SLC11A1: variants seen among roughly 807,000 people sequenced by gnomAD.
The protein encoded by SLC11A1 is natural resistance-associated macrophage protein 1.
Under a neutral mutation model 63.2 loss-of-function variants are expected in SLC11A1, and 59 were observed. That is an observed-to-expected ratio of 0.93 (90% CI 0.76 to 1.16). The LOEUF (loss-of-function observed/expected upper bound fraction) is 1.16, where lower values mean the gene tolerates loss of function less well. Ranked by LOEUF, SLC11A1 falls within the 50% of genes most tolerant of loss-of-function variation. The pLI, the probability that SLC11A1 is intolerant of heterozygous loss-of-function variation, is 0.00. For missense variants in SLC11A1, 688 were observed against 730.7 expected (o/e 0.94, Z 0.67); for synonymous variants, 305 against 307.8 (o/e 0.99, Z 0.09).
Position 218,395,124 on chromosome 2 carries a change from G to C in SLC11A1, c.*89G>C. 1 of 989,966 alleles carries C rather than the reference G, an allele frequency of 1.0e-6. No homozygotes were observed. The highest frequency in any genetic ancestry group is 1.5e-6 in the Non-Finnish European group (1 of 656,984). The allele number at this position is 989,966 out of a possible 1,614,324, so 61.3% of individuals were successfully genotyped here. A position where few individuals can be genotyped will look rare whatever the true frequency, so the allele number is the denominator to read the frequency against. On this transcript the variant is annotated 3_prime_UTR_variant, in exon 15 of 15. Coordinates refer to ENST00000233202, the MANE Select transcript of SLC11A1 (RefSeq NM_000578.4). ...GGGCGCGTGCAGGCAGCAGGATAGA[G>C]TGGGACAGTTCCTGAGACCAGCCAA...
At position 218,395,415 on chromosome 2, in the gene SLC11A1, CTGGAGCTTGAAA is replaced by C. The variant is rs1458355489; in HGVS notation, c.*382_*393del. The stretch of plus-strand genomic sequence containing the variant: ...ACTTGGGCGGGACACAGGCTCCAAA[CTGGAGCTTGAAA>C]TAGTGTCTGATGAATGTTAAATTAT... On this transcript the variant is annotated 3_prime_UTR_variant, in exon 15 of 15. Transcript: ENST00000233202. 5 of 194,390 alleles carry C rather than the reference CTGGAGCTTGAAA, an allele frequency of 2.6e-5. No homozygotes were observed. Among genetic ancestry groups the C allele is most frequent in the East Asian group, 2.7e-4 (2 of 7,304 alleles). The allele number at this position is 194,390 out of a possible 1,614,324, so 12.0% of individuals were successfully genotyped here. A position where few individuals can be genotyped will look rare whatever the true frequency, so the allele number is the denominator to read the frequency against.
At position 218,384,493 on chromosome 2, in the gene SLC11A1, G is replaced by A. The variant is rs1056064400; in HGVS notation, c.273+128G>A. On this transcript the variant is annotated intron_variant, in intron 3 of 14. Coordinates refer to ENST00000233202, the MANE Select transcript of SLC11A1 (RefSeq NM_000578.4). This position sits in a 1 kb window ranked among gnomAD's most constrained non-coding sequence, Gnocchi z 4.0. ...GCTGGTGTTAAGTTCAAATGGGCCCGAAAAGGGTCCCCAGGGCAGCCCTGC... is the reference window on the plus strand; with the variant it reads ...GCTGGTGTTAAGTTCAAATGGGCCCAAAAAGGGTCCCCAGGGCAGCCCTGC... The A allele has an allele frequency of 2.5e-5, 30 of 1,188,920 alleles. No individual in the cohort carries two copies. The highest frequency in any genetic ancestry group is 2.4e-4 in the South Asian group (14 of 57,814). The allele number at this position is 1,188,920 out of a possible 1,614,324, so 73.6% of individuals were successfully genotyped here. A position where few individuals can be genotyped will look rare whatever the true frequency, so the allele number is the denominator to read the frequency against.
intron 11 of SLC11A1, chr2:218,391,986 G>A: frequency 3.6e-6 from 1 of 278,782 alleles, no homozygotes; most frequent in East Asian, 1.3e-4. Context: ...TCAAACTCTT[G>A]ACCTCGTGAT....
At position 218,394,760 on chromosome 2, in the gene SLC11A1, C is replaced by T; in HGVS notation, c.1517C>T (p.Ala506Val). Residue 506 changes from alanine to valine, a missense_variant, in exon 14 of 15, where the codon GCC (alanine) becomes GTC (valine). Ala to Val is a moderately conservative substitution (Grantham distance 64). Coordinates refer to ENST00000233202, the MANE Select transcript of SLC11A1 (RefSeq NM_000578.4). ...GGCCTTGCAGCCTTGCTGGCCGCAG[C>T]CTACCTGGGCCTCAGCACCTACCTG... ...YFGLAALLAA[A>V]YLGLSTYLVW... is the part of the protein sequence containing the mutation. 3 of 1,613,144 alleles carry T rather than the reference C, an allele frequency of 1.9e-6. No individual in the cohort carries two copies. Among genetic ancestry groups the T allele is most frequent in the Non-Finnish European group, 2.5e-6 (3 of 1,180,044 alleles).
Position 218,387,270 on chromosome 2 carries a change from G to A in SLC11A1, c.571+40G>A, listed in dbSNP as rs750025926. 2.4e-5 allele frequency: 37 copies of A among 1,569,620 alleles called. No homozygotes were observed. In the South Asian group the frequency reaches 3.7e-4, roughly 16 times the overall value. Reference sequence around the variant, plus strand: ...CACCTCATAGGGGAGTGGTGGTGGTGAGGGTGCTGTACTGGGAGAAGGGCT... The same window carrying A: ...CACCTCATAGGGGAGTGGTGGTGGTAAGGGTGCTGTACTGGGAGAAGGGCT... On this transcript the variant is annotated intron_variant, in intron 6 of 14. Coordinates refer to ENST00000233202, the MANE Select transcript of SLC11A1 (RefSeq NM_000578.4).
chr2:218,394,556 C>A (rs1376943489), intron 13 of SLC11A1, 76 bp from the exon 14 acceptor site: 3 of 1,508,338 alleles, frequency 2.0e-6, no homozygotes, highest in Non-Finnish European at 2.7e-6. Context: ...AGTGTGGGCG[C>A]TGGGAGATGA....
chr2:218,385,511 C>CT, intron 4 of SLC11A1: 1 of 534,120 alleles, frequency 1.9e-6, no homozygotes, highest in Non-Finnish European at 3.6e-6. Flanking sequence ...CTGACTCAGC[C>CT]TCTCAAGTAG....
Position 218,389,981 on chromosome 2 carries a change from A to C in SLC11A1, c.907A>C (p.Met303Leu). 1 of 1,613,740 alleles carries C rather than the reference A, an allele frequency of 6.2e-7. No homozygotes were observed. Among genetic ancestry groups the C allele is most frequent in the Non-Finnish European group, 8.5e-7 (1 of 1,179,868 alleles). Reference protein sequence around the residue: ...SVSFIINLFVMAVFGQAFYQK... With the variant: ...SVSFIINLFVLAVFGQAFYQK... ...CTCCTTTATCATCAACCTCTTTGTC[A>C]TGGCTGTCTTTGGGCAGGCCTTCTA... Residue 303 changes from methionine to leucine, a missense_variant, in exon 9 of 15, where the codon ATG becomes CTG. By Grantham distance (15) the Met-to-Leu change is conservative. Coordinates refer to ENST00000233202, the MANE Select transcript of SLC11A1 (RefSeq NM_000578.4).
rs1289836338 is a variant in SLC11A1 at position 218,395,001 on chromosome 2, T to C, written c.1619T>C (p.Leu540Pro). ...CACCACCACTTCCTGTATGGGCTCCTTGAAGAGGACCAGAAAGGGGAGACC... is the reference window on the plus strand; with the variant it reads ...CACCACCACTTCCTGTATGGGCTCCCTGAAGAGGACCAGAAAGGGGAGACC... ...SSHHHFLYGL[L>P]EEDQKGETSG The change falls in exon 15 of 15, where the codon CTT becomes CCT. Residue 540 changes from leucine to proline, a missense_variant. Transcript: ENST00000233202. The C allele has an allele frequency of 1.9e-6, 3 of 1,611,668 alleles. No homozygotes were observed. In the South Asian group the frequency reaches 3.3e-5, roughly 18 times the overall value.
rs116206376 is a variant in SLC11A1, at chr2:218,384,603, T to G, written c.273+238T>G. ...ATATGTATATTTATTTATTTATTTA[T>G]TTAATTTTATTTTTTGAGACTCAGT... On this transcript the variant is annotated intron_variant, in intron 3 of 14. Coordinates refer to ENST00000233202, the MANE Select transcript of SLC11A1 (RefSeq NM_000578.4). The surrounding 1 kb of genome is among the most constrained non-coding windows in gnomAD (Gnocchi z 4.0). 1,003 of 160,924 alleles carry G rather than the reference T, an allele frequency of 6.2e-3. 11 individuals carry two copies. The highest frequency in any genetic ancestry group is 0.021 in the African/African-American group (877 of 41,702). 10.0% of individuals were successfully genotyped at this position (160,924 alleles called of 1,614,324 possible). A position where few individuals can be genotyped will look rare whatever the true frequency, so the allele number is the denominator to read the frequency against.
chr2:218,391,780 G>A (rs1250407350), intron 11 of SLC11A1: 2 of 365,938 alleles, frequency 5.5e-6, no homozygotes, highest in Non-Finnish European at 5.1e-6. Context: ...CTGCCACCAG[G>A]CCTGGCTAAT....
At chr2:218,387,332 C>T (rs897890821) in intron 6 of SLC11A1, 102 bp downstream of exon 6, 41 of 1,181,684 alleles carry the variant, frequency 3.5e-5, no homozygotes, top group Non-Finnish European at 4.7e-5. Flanking sequence ...CCTGAGCTCC[C>T]TCACTCTCCC....
intron 6 of SLC11A1, 135 bp downstream of exon 6, chr2:218,387,365 T>C (rs1374118912): frequency 2.0e-6 from 2 of 1,002,252 alleles, no homozygotes; most frequent in South Asian, 1.5e-5. Context: ...AGCGAGTTAC[T>C]TGGACGTGCC....
At chr2:218,385,312 C>A in intron 4 of SLC11A1, 46 bp downstream of exon 4, 1 of 1,612,698 alleles carries the variant, frequency 6.2e-7, no homozygotes, top group South Asian at 1.1e-5. Flanking sequence ...GCCCCAAACC[C>A]CAAACAGCCA....
chr2:218,394,905 C>G lies in SLC11A1; in HGVS notation c.1543-20C>G. 2 of 1,609,228 alleles carry G rather than the reference C, an allele frequency of 1.2e-6. No homozygotes were observed. Among genetic ancestry groups the G allele is most frequent in the East Asian group, 4.5e-5 (2 of 44,762 alleles). On this transcript the variant is annotated intron_variant, in intron 14 of 14. Coordinates refer to ENST00000233202, the MANE Select transcript of SLC11A1 (RefSeq NM_000578.4). The stretch of plus-strand genomic sequence containing the variant: ...CAGAGGTCTTGGCATCTCCCCAATT[C>G]ATGGTTGCCCCTCCCCCAGGTCTGG...
chr2:218,394,564 T>C (rs1322778636), intron 13 of SLC11A1, 68 bp from the exon 14 acceptor site: 3 of 1,550,290 alleles, frequency 1.9e-6, no homozygotes, highest in Non-Finnish European at 2.6e-6. Context: ...CGCTGGGAGA[T>C]GAAGAGGAGT....
chr2:218,384,466 G>A lies in SLC11A1; in HGVS notation c.273+101G>A. ...GCCATGTTTCTCCAATGTGGCCTGG[G>A]AGCTGGTGTTAAGTTCAAATGGGCC... On this transcript the variant is annotated intron_variant, in intron 3 of 14. Transcript: ENST00000233202. This position sits in a 1 kb window ranked among gnomAD's most constrained non-coding sequence, Gnocchi z 4.0. 7.0e-7 allele frequency: 1 copy of A among 1,431,556 alleles called. No individual in the cohort carries two copies. The highest frequency in any genetic ancestry group is 9.4e-7 in the Non-Finnish European group (1 of 1,061,754). The allele number at this position is 1,431,556 out of a possible 1,614,324, so 88.7% of individuals were successfully genotyped here.
Position 218,382,317 on chromosome 2 carries a change from A to G in SLC11A1, c.-52A>G. 3.1e-6 allele frequency: 5 copies of G among 1,608,762 alleles called. No individual in the cohort carries two copies. The highest frequency in any genetic ancestry group is 3.4e-6 in the Non-Finnish European group (4 of 1,176,890). ...CCCAGAGAGGGGGTGCAGGCTGAGG[A>G]GCTGCCCAGAGCACCGCTCACACTC... On this transcript the variant is annotated 5_prime_UTR_variant, in exon 1 of 15. Transcript: ENST00000233202.
chr2:218,383,186 A>G (rs568413957), intron 2 of SLC11A1, 84 bp downstream of exon 2: 1 of 1,483,050 alleles, frequency 6.7e-7, no homozygotes, highest in African/African-American at 1.4e-5. Context: ...GGGTCTCCTT[A>G]TGATCATGGG....
Sources: gnomAD v4.1 joint callset for allele counts on GRCh38, gnomAD v4.1.1 for gene constraint, Gnocchi (gnomAD v3.1) non-coding constraint, MANE v1.5 for transcripts, NCBI Gene and HGNC (gene_info 2026-07-23, HGNC 2026-07-21) for gene names.